Variants in WNT7A observed in about 807,000 individuals in gnomAD.
WNT7A encodes Wnt family member 7A.
WNT7A carries 16 observed loss-of-function variants against 28.2 expected under a neutral mutation model. That is an observed-to-expected ratio of 0.57 (90% confidence interval 0.38 to 0.86). The LOEUF is 0.86. Ranked by LOEUF, WNT7A falls within the 40% of genes least tolerant of loss-of-function variation. WNT7A has a pLI of 0.00. For synonymous variants in WNT7A, 190 were observed against 195.9 expected (o/e 0.97, Z 0.25); for missense variants, 411 against 489.7 (o/e 0.84, Z 1.52).
chr3:13,850,668 G>T (rs1050820611), intron 3 of WNT7A, among the ~76,000 whole-genome samples: 2 of 152,088 alleles, frequency 1.3e-5, no homozygotes, highest in African/African-American at 4.8e-5. Context: ...TGAAGGGGTT[G>T]CTGAGAGCCT....
intron 2 of WNT7A, among the ~76,000 whole-genome samples, chr3:13,868,812 G>GAGAGAGAA (rs1243420922): frequency 3.3e-5 from 1 of 30,586 alleles, no homozygotes; most frequent in Non-Finnish European, 6.0e-5. Context: ...GAGAAAGAAA[G>GAGAGAGAA]AGAGAGAGAG....
rs371178585 is a variant in WNT7A, at chr3:13,854,810, G to A, written c.299-7C>T. On this transcript the variant is annotated splice_region_variant and splice_polypyrimidine_tract_variant and intron_variant, in intron 2 of 3. Transcript: ENST00000285018. Reference sequence around the variant, plus strand: ...AACGCAGCCTCCCGGCTCCCTGCGAGGAGGAGAGAAGAGGAGACAAGTTGG... The same window carrying A: ...AACGCAGCCTCCCGGCTCCCTGCGAAGAGGAGAGAAGAGGAGACAAGTTGG... The A allele has an allele frequency of 1.2e-6, 2 of 1,611,708 alleles. No individual in the cohort carries two copies. Among genetic ancestry groups the A allele is most frequent in the Non-Finnish European group, 1.7e-6 (2 of 1,180,032 alleles).
intron 3 of WNT7A, among the ~76,000 whole-genome samples, chr3:13,839,239 A>G (rs2124843625): frequency 1.3e-5 from 2 of 152,294 alleles, no homozygotes; most frequent in East Asian, 3.9e-4. Context: ...GGAAATGCAG[A>G]ATCTCAGGCC....
intron 3 of WNT7A, among the ~76,000 whole-genome samples, chr3:13,851,018 C>A (rs1694628758): frequency 6.6e-6 from 1 of 152,116 alleles, no homozygotes; most frequent in Non-Finnish European, 1.5e-5. Context: ...ATCGGGCAAT[C>A]CTACAAACAC....
chr3:13,874,207 G>A (rs2124878952), intron 2 of WNT7A, among the ~76,000 whole-genome samples: 1 of 152,280 alleles, frequency 6.6e-6, no homozygotes, highest in Admixed American at 6.5e-5. Flanking sequence ...GCAGTTTCTG[G>A]TCCCCTAATG....
intron 1 of WNT7A, 66 bp from the exon 2 acceptor site, chr3:13,875,239 C>A (rs944029330): frequency 1.3e-6 from 2 of 1,561,642 alleles, no homozygotes; most frequent in Non-Finnish European, 1.8e-6. Flanking sequence ...GGGAACCCTT[C>A]GTAGGTGTCC....
intron 3 of WNT7A, among the ~76,000 whole-genome samples, chr3:13,831,837 C>T (rs1334349805): frequency 6.6e-6 from 1 of 152,152 alleles, no homozygotes; most frequent in Non-Finnish European, 1.5e-5. Flanking sequence ...TCTCGATGCC[C>T]AGGGCTGCCT....
rs1280882539 is a variant in WNT7A, at chr3:13,856,855, A to G, written c.299-2052T>C. Among the ~76,000 whole-genome samples the G allele has an allele frequency of 2.7e-5, 4 of 148,492 alleles. No homozygotes were observed. In the South Asian group the frequency reaches 8.6e-4, roughly 32 times the overall value. On this transcript the variant is annotated intron_variant, in intron 2 of 3. Transcript: ENST00000285018. Reference sequence around the variant, plus strand: ...GAAGGAGAAGAAGAAGAAGAGGAAGAAGAGGAAGAGGAAGAGGAAGAAGAG... The same window carrying G: ...GAAGGAGAAGAAGAAGAAGAGGAAGGAGAGGAAGAGGAAGAGGAAGAAGAG...
chr3:13,866,473 A>C (rs1199919912), intron 2 of WNT7A, among the ~76,000 whole-genome samples: 1 of 152,236 alleles, frequency 6.6e-6, no homozygotes, highest in Non-Finnish European at 1.5e-5. Flanking sequence ...ACAGATGAGC[A>C]AGTTACAGAG....
In WNT7A at chr3:13,854,320, C is replaced by G. The variant is rs3762720; in HGVS notation, c.570+212G>C. ...GAGTAACATTCAATTCGTCTTAAGG[C>G]AGACTCAATTATCCAACCTCTTCAG... On this transcript the variant is annotated intron_variant, in intron 3 of 3. Coordinates refer to ENST00000285018, the MANE Select transcript of WNT7A (RefSeq NM_004625.4). 0.69 allele frequency among the ~76,000 whole-genome samples: 103,971 copies of G among 151,764 alleles called. 37,152 individuals are homozygous for G. Among genetic ancestry groups the G allele is most frequent in the East Asian group, 0.91 (4,691 of 5,128 alleles).
intron 3 of WNT7A, among the ~76,000 whole-genome samples, chr3:13,827,158 G>A (rs556846584): frequency 6.6e-6 from 1 of 152,336 alleles, no homozygotes; most frequent in Admixed American, 6.5e-5. Flanking sequence ...GAGTCAGAGA[G>A]CAGTAGATTC....
At chr3:13,820,777 A>C (rs1373644096) in intron 3 of WNT7A, among the ~76,000 whole-genome samples, 1 of 152,124 alleles carries the variant, frequency 6.6e-6, no homozygotes, top group Non-Finnish European at 1.5e-5. Flanking sequence ...AGGAGAGGTG[A>C]CCAGTGTTTG....
chr3:13,848,095 C>T (rs1389082634), intron 3 of WNT7A, among the ~76,000 whole-genome samples: 1 of 151,326 alleles, frequency 6.6e-6, no homozygotes, highest in Admixed American at 6.6e-5. Context: ...GAGTTAAATG[C>T]TAAACATAAA....
chr3:13,829,355 A>G (rs1694242526), intron 3 of WNT7A, among the ~76,000 whole-genome samples: 1 of 152,236 alleles, frequency 6.6e-6, no homozygotes, highest in Admixed American at 6.5e-5. Context: ...ATCCTAAGAG[A>G]TTTGTTCCTC....
intron 3 of WNT7A, among the ~76,000 whole-genome samples, chr3:13,851,242 C>G (rs1694632512): frequency 6.6e-6 from 1 of 152,224 alleles, no homozygotes; most frequent in Admixed American, 6.5e-5. Flanking sequence ...AAAGCCTCTT[C>G]TGGGCACCTC....
At position 13,854,302 on chromosome 3, in the gene WNT7A, A is replaced by G. The variant is rs1004979324; in HGVS notation, c.570+230T>C. Among the ~76,000 whole-genome samples, 4 of 152,118 alleles carry G rather than the reference A, an allele frequency of 2.6e-5. No homozygotes were observed. The South Asian group carries it at 8.3e-4, about 31-fold the overall frequency. On this transcript the variant is annotated intron_variant, in intron 3 of 3. Transcript: ENST00000285018. ...CCCTCTTTCCATCTTGCTGAGTAAC[A>G]TTCAATTCGTCTTAAGGCAGACTCA...
At chr3:13,825,848 C>T (rs1438813955) in intron 3 of WNT7A, among the ~76,000 whole-genome samples, 1 of 152,238 alleles carries the variant, frequency 6.6e-6, no homozygotes, top group African/African-American at 2.4e-5. Flanking sequence ...AAGCCTGCTC[C>T]TCCTCTTCCC....
chr3:13,826,458 G>A (rs1694197863), intron 3 of WNT7A, among the ~76,000 whole-genome samples: 1 of 152,128 alleles, frequency 6.6e-6, no homozygotes, highest in Admixed American at 6.5e-5. Flanking sequence ...TCAGGTAGAT[G>A]GGGAAAAGGC....
At chr3:13,842,775 G>A (rs116153272) in intron 3 of WNT7A, among the ~76,000 whole-genome samples, 110 of 152,316 alleles carry the variant, frequency 7.2e-4, no homozygotes, top group African/African-American at 2.4e-3. Flanking sequence ...TGGTAGACGA[G>A]TGCTCATGGG....
Sources: gnomAD v4.1 joint callset for allele counts (sites outside exome capture counted in the v4.1 genomes callset) on GRCh38, gnomAD v4.1.1 for gene constraint, MANE v1.5 for transcripts, NCBI Gene and HGNC (gene_info 2026-07-23, HGNC 2026-07-21) for gene names.